The following SEMA3A variants were observed in gnomAD, a reference collection of about 807,000 sequenced individuals.
SEMA3A encodes semaphorin 3A, also known as semaphorin-3A.
A neutral mutation model predicts 97.9 loss-of-function variants in SEMA3A; 29 were observed. The ratio of observed to expected loss-of-function variants is 0.30; its 90% CI spans 0.22 to 0.40. The LOEUF (loss-of-function observed/expected upper bound fraction) is 0.40, where lower values mean the gene tolerates loss of function less well. SEMA3A is among the 10% of genes least tolerant of loss of function. The pLI, the probability that SEMA3A is intolerant of heterozygous loss-of-function variation, is 1.00. For missense variants in SEMA3A, 763 were observed against 951.3 expected (o/e 0.80, Z 2.60); for synonymous variants, 321 against 323.7 (o/e 0.99, Z 0.09).
chr7:84,061,679 T>C (rs1459134126), intron 4 of SEMA3A, among the ~76,000 whole-genome samples: 1 of 152,238 alleles, frequency 6.6e-6, no homozygotes, highest in African/African-American at 2.4e-5. Context: ...TTAATATTTC[T>C]GATGGAACTA....
At chr7:84,309,833 T>C (rs1167353732) in intron 2 of SEMA3A, among the ~76,000 whole-genome samples, 1 of 152,130 alleles carries the variant, frequency 6.6e-6, no homozygotes, top group Non-Finnish European at 1.5e-5. Flanking sequence ...TGAGGCAAGA[T>C]CATGCATTGA....
At chr7:84,158,443 C>T (rs569179328) in intron 1 of SEMA3A, among the ~76,000 whole-genome samples, 4 of 152,266 alleles carry the variant, frequency 2.6e-5, no homozygotes, top group African/African-American at 9.6e-5. Flanking sequence ...TGAGCCACCA[C>T]ACCTGGCCAA....
intron 3 of SEMA3A, among the ~76,000 whole-genome samples, chr7:84,257,873 C>T (rs1191173730): frequency 6.6e-6 from 1 of 152,126 alleles, no homozygotes; most frequent in Non-Finnish European, 1.5e-5. Flanking sequence ...TGAGACAAAA[C>T]ATGTGGACCA....
At chr7:84,267,047 G>A (rs184948565) in intron 3 of SEMA3A, among the ~76,000 whole-genome samples, 2 of 152,026 alleles carry the variant, frequency 1.3e-5, no homozygotes, top group South Asian at 2.1e-4. Flanking sequence ...ATACATACAC[G>A]TTACTAAGCA....
At chr7:84,489,372 A>G (rs2116450328) in intron 1 of SEMA3A, among the ~76,000 whole-genome samples, 1 of 152,210 alleles carries the variant, frequency 6.6e-6, no homozygotes, top group African/African-American at 2.4e-5. Context: ...CCATATCACT[A>G]TCTGCATGTC....
intron 3 of SEMA3A, among the ~76,000 whole-genome samples, chr7:84,306,165 A>G (rs1242403305): frequency 6.6e-6 from 1 of 151,864 alleles, no homozygotes; most frequent in East Asian, 1.9e-4. Flanking sequence ...ATATGATGTG[A>G]TAAATTTTTT....
At chr7:84,264,480 T>A (rs1382750294) in intron 3 of SEMA3A, among the ~76,000 whole-genome samples, 1 of 152,196 alleles carries the variant, frequency 6.6e-6, no homozygotes. Context: ...GTAACAGCAA[T>A]AAATTCAGGG....
At chr7:84,451,532 CT>C (rs1414200087) in intron 1 of SEMA3A, among the ~76,000 whole-genome samples, 1 of 152,132 alleles carries the variant, frequency 6.6e-6, no homozygotes, top group African/African-American at 2.4e-5. Flanking sequence ...ATAGTGATGA[CT>C]TTTATAGAGT....
rs376178498 is a variant in SEMA3A, at chr7:84,053,874, C to T, written c.547+6591G>A. On this transcript the variant is annotated intron_variant, in intron 5 of 16. Coordinates refer to ENST00000265362, the MANE Select transcript of SEMA3A (RefSeq NM_006080.3). Reference sequence around the variant, plus strand: ...ACCGGTTGTTCCTTTCCATGTTTAGCGCTTCCTTCAGGAGCTCTTTTAGGG... The same window carrying T: ...ACCGGTTGTTCCTTTCCATGTTTAGTGCTTCCTTCAGGAGCTCTTTTAGGG... 8.4e-3 allele frequency among the ~76,000 whole-genome samples: 1,001 copies of T among 119,752 alleles called. 12 individuals are homozygous for T. Among genetic ancestry groups the T allele is most frequent in the African/African-American group, 0.025 (938 of 37,350 alleles). 78.6% of individuals were successfully genotyped at this position (119,752 alleles called of 152,430 possible).
At chr7:84,455,022 T>C (rs183553279) in intron 1 of SEMA3A, among the ~76,000 whole-genome samples, 1 of 152,042 alleles carries the variant, frequency 6.6e-6, no homozygotes, top group East Asian at 1.9e-4. Context: ...CTAGGTCACA[T>C]TGGTAGGTCA....
intron 3 of SEMA3A, among the ~76,000 whole-genome samples, chr7:84,116,287 C>G (rs1003100450): frequency 1.3e-5 from 2 of 152,172 alleles, no homozygotes; most frequent in Non-Finnish European, 2.9e-5. Flanking sequence ...TGATGTATCA[C>G]TTATTCAAAT....
chr7:83,958,879 C>T lies in SEMA3A; in HGVS notation c.*2492G>A, dbSNP rs1429276678. ...TTTTCGTAAGGTCACATGAGTCTCTCAAACAGTTTCATCTCTGATGATTCA... is the reference window on the plus strand; with the variant it reads ...TTTTCGTAAGGTCACATGAGTCTCTTAAACAGTTTCATCTCTGATGATTCA... On this transcript the variant is annotated 3_prime_UTR_variant, in exon 17 of 17. Transcript: ENST00000265362. 2.0e-5 allele frequency: 3 copies of T among 152,210 alleles called. No homozygotes were observed. Among genetic ancestry groups the T allele is most frequent in the Non-Finnish European group, 4.4e-5 (3 of 67,934 alleles). 9.4% of individuals were successfully genotyped at this position (152,210 alleles called of 1,614,324 possible).
intron 2 of SEMA3A, among the ~76,000 whole-genome samples, chr7:84,356,690 G>T (rs1802569657): frequency 6.6e-6 from 1 of 151,556 alleles, no homozygotes; most frequent in African/African-American, 2.4e-5. Flanking sequence ...AAGTAAACTT[G>T]GTACATACTA....
chr7:84,436,517 A>G (rs1228945), intron 1 of SEMA3A, among the ~76,000 whole-genome samples: 26,677 of 152,180 alleles, frequency 0.18, 2,479 homozygotes, highest in Middle Eastern at 0.23. Flanking sequence ...TGCAATATGC[A>G]TAACATTTTA....
At chr7:84,016,945 T>C (rs1001609060) in intron 6 of SEMA3A, among the ~76,000 whole-genome samples, 2 of 152,182 alleles carry the variant, frequency 1.3e-5, no homozygotes, top group Non-Finnish European at 2.9e-5. Flanking sequence ...TGGTCTACTA[T>C]TACCTCCCAA....
chr7:84,294,835 A>C (rs1800830308), intron 3 of SEMA3A, among the ~76,000 whole-genome samples: 1 of 152,028 alleles, frequency 6.6e-6, no homozygotes, highest in South Asian at 2.1e-4. Context: ...GTTGTTCAGA[A>C]AATACTTCTG....
At chr7:84,437,707 G>C (rs1003034071) in intron 1 of SEMA3A, among the ~76,000 whole-genome samples, 17 of 151,652 alleles carry the variant, frequency 1.1e-4, no homozygotes, top group Admixed American at 1.1e-3. Context: ...AGGCCAATAA[G>C]AAATTATCTT....
intron 1 of SEMA3A, among the ~76,000 whole-genome samples, chr7:84,415,838 AT>A (rs71524604): frequency 0.26 from 39,915 of 151,618 alleles, 5,420 homozygotes; most frequent in Middle Eastern, 0.3. Flanking sequence ...GCGTTTTTGT[AT>A]TTTTTTTATA....
intron 4 of SEMA3A, among the ~76,000 whole-genome samples, chr7:84,067,457 A>G (rs1460403373): frequency 6.6e-6 from 1 of 151,626 alleles, no homozygotes; most frequent in Admixed American, 6.6e-5. Flanking sequence ...CTGCACAGCA[A>G]AAGAAACTAC....
Sources: allele counts gnomAD v4.1 joint callset (sites outside exome capture counted in the v4.1 genomes callset), GRCh38; gene constraint gnomAD v4.1.1; transcripts MANE v1.5; gene names NCBI Gene and HGNC (gene_info 2026-07-23, HGNC 2026-07-21).